DIPK1A: variants seen among roughly 807,000 people sequenced by gnomAD.
DIPK1A encodes the protein family with sequence similarity 69 member A.
In DIPK1A, 27 loss-of-function variants were observed where a neutral mutation model predicts 40.8. The observed-to-expected ratio is 0.66, with a 90% CI of 0.49 to 0.91. The LOEUF is 0.91. Ranked by LOEUF, DIPK1A falls within the 40% of genes least tolerant of loss-of-function variation. The probability of loss-of-function intolerance (pLI) is 0.00; values close to 1 mark genes in which losing one functional copy is unlikely to be tolerated. For missense variants in DIPK1A, 412 were observed against 505.7 expected (o/e 0.81, Z 1.78); for synonymous variants, 166 against 171.3 (o/e 0.97, Z 0.24).
intron 1 of DIPK1A, among the ~76,000 whole-genome samples, chr1:92,918,764 A>G (rs1467434358): frequency 6.6e-6 from 1 of 152,150 alleles, no homozygotes; most frequent in African/African-American, 2.4e-5. Flanking sequence ...ACGGTTTTGC[A>G]ACAGATGGGG....
At chr1:92,838,716 G>T (rs538091125), downstream of DIPK1A, among the ~76,000 whole-genome samples, 102 of 152,278 alleles carry the variant, frequency 6.7e-4, 1 homozygote, top group Admixed American at 2.9e-3. Context: ...CTTGTCTGAC[G>T]TCTTGGAAGG....
rs781190147 is a variant in DIPK1A at position 92,843,077 on chromosome 1, C to T, written c.*306G>A. On this transcript the variant is annotated 3_prime_UTR_variant, in exon 5 of 5. Coordinates refer to ENST00000370310, the MANE Select transcript of DIPK1A (RefSeq NM_001006605.5). Reference sequence around the variant, plus strand: ...TTGGCTAAGGTAAATCTACAAATCACTCACTGTTGATGTTTATGGAATGAA... The same window carrying T: ...TTGGCTAAGGTAAATCTACAAATCATTCACTGTTGATGTTTATGGAATGAA... The T allele has an allele frequency of 2.3e-5, 24 of 1,034,030 alleles. No homozygotes were observed. Among genetic ancestry groups the T allele is most frequent in the Non-Finnish European group, 2.8e-5 (24 of 860,674 alleles). The allele number at this position is 1,034,030 out of a possible 1,614,324, so 64.1% of individuals were successfully genotyped here. A position where few individuals can be genotyped will look rare whatever the true frequency, so the allele number is the denominator to read the frequency against.
intron 2 of DIPK1A, among the ~76,000 whole-genome samples, chr1:92,858,578 T>C (rs1688064407): frequency 6.6e-6 from 1 of 152,180 alleles, no homozygotes; most frequent in South Asian, 2.1e-4. Flanking sequence ...TTTAATACTT[T>C]TTTTTTTTAA....
chr1:92,878,964 G>A (rs776235598), intron 1 of DIPK1A, among the ~76,000 whole-genome samples: 8 of 151,976 alleles, frequency 5.3e-5, no homozygotes, highest in Non-Finnish European at 7.4e-5. Context: ...CCGAGATTGT[G>A]CCACTGCATT....
intron 1 of DIPK1A, among the ~76,000 whole-genome samples, chr1:92,895,982 C>A (rs1033299385): frequency 6.6e-6 from 1 of 151,830 alleles, no homozygotes; most frequent in African/African-American, 2.4e-5. Context: ...GAATTACAAA[C>A]CACTGCTCAA....
intron 1 of DIPK1A, among the ~76,000 whole-genome samples, chr1:92,892,255 C>T (rs565692280): frequency 7.9e-5 from 12 of 152,186 alleles, no homozygotes; most frequent in South Asian, 4.1e-4. Flanking sequence ...GGAGGCACCC[C>T]GCAGTAGGGG....
chr1:92,894,268 T>G (rs4448523), intron 1 of DIPK1A, among the ~76,000 whole-genome samples: 108,362 of 151,854 alleles, frequency 0.71, 39,517 homozygotes, highest in East Asian at 0.95. Context: ...GCACTCCTCA[T>G]CAAATGGAAA....
chr1:92,843,919 A>G lies in DIPK1A; in HGVS notation c.751T>C (p.Ser251Pro). ...LPWVIELFIP[S>P]GFRRSMDQLF... is the part of the protein sequence containing the mutation. ...TGATCCATGCTTCTTCTGAACCCAG[A>G]TGGAATAAAAAGTTCAATGACCCAA... The change falls in exon 5 of 5, where the codon TCT (serine) becomes CCT (proline). Residue 251 changes from serine (S) to proline (P), a missense_variant. By Grantham distance (74) the Ser-to-Pro change is moderately conservative. Transcript: ENST00000370310. 1 of 1,551,766 alleles carries G rather than the reference A, an allele frequency of 6.4e-7. No individual in the cohort carries two copies. The highest frequency in any genetic ancestry group is 1.4e-5 in the African/African-American group (1 of 73,160).
intron 4 of DIPK1A, chr1:92,836,127 C>G: frequency 2.1e-6 from 3 of 1,455,526 alleles, no homozygotes; most frequent in East Asian, 4.5e-5. Flanking sequence ...ATGACATAAG[C>G]TATTTTAATT....
intron 1 of DIPK1A, among the ~76,000 whole-genome samples, chr1:92,910,127 A>T (rs911305938): frequency 1.3e-5 from 2 of 152,216 alleles, no homozygotes; most frequent in Non-Finnish European, 2.9e-5. Context: ...TCTTTCTTCA[A>T]CACGTGGGTG....
At chr1:92,837,369 G>A (rs760806812), downstream of DIPK1A, 42 of 1,121,804 alleles carry the variant, frequency 3.7e-5, 1 homozygote, top group South Asian at 2.6e-4. Context: ...GTTTCAAGAC[G>A]GGACTGATGG....
chr1:92,890,939 G>A (rs1435739818), intron 1 of DIPK1A, among the ~76,000 whole-genome samples: 1 of 152,226 alleles, frequency 6.6e-6, no homozygotes, highest in East Asian at 1.9e-4. Context: ...ATTGGGTCCT[G>A]GGCCTTTTTA....
chr1:92,931,333 G>A, intron 1 of DIPK1A: 1 of 227,410 alleles, frequency 4.4e-6, no homozygotes, highest in South Asian at 7.6e-5. Context: ...TGGAAGGCCT[G>A]GTGCCCACAC....
Position 92,959,902 on chromosome 1 carries a change from A to ATTTTTTTTTTTTTTT in DIPK1A, c.54+1473_54+1474insAAAAAAAAAAAAAAA, listed in dbSNP as rs1557502636. 8.9e-3 allele frequency among the ~76,000 whole-genome samples: 384 copies of ATTTTTTTTTTTTTTT among 43,072 alleles called. 27 individuals carry two copies. The highest frequency in any genetic ancestry group is 0.013 in the Middle Eastern group (1 of 78). The allele number at this position is 43,072 out of a possible 152,430, so 28.3% of individuals were successfully genotyped here. On this transcript the variant is annotated intron_variant, in intron 1 of 4. Coordinates refer to ENST00000370310, the MANE Select transcript of DIPK1A (RefSeq NM_001006605.5). Reference sequence around the variant, plus strand: ...AGCTGGGACCACAGGCACCCAACCAACTTTTTTTTTTTTTTTTTTTTTTTT... The same window carrying ATTTTTTTTTTTTTTT: ...AGCTGGGACCACAGGCACCCAACCAATTTTTTTTTTTTTTTCTTTTTTTTTTTTTTTTTTTTTTTT...
chr1:92,845,003 G>A (rs1379072602), intron 4 of DIPK1A, among the ~76,000 whole-genome samples: 1 of 137,376 alleles, frequency 7.3e-6, no homozygotes, highest in African/African-American at 2.7e-5. Flanking sequence ...GGAGTGCAGT[G>A]GCGCGATCTC....
intron 2 of DIPK1A, among the ~76,000 whole-genome samples, chr1:92,867,733 A>G (rs1482369757): frequency 6.6e-6 from 1 of 152,060 alleles, no homozygotes; most frequent in Non-Finnish European, 1.5e-5. Context: ...CTCAAACTCC[A>G]GACCTCAAGT....
chr1:92,943,114 A>G (rs927256585), intron 1 of DIPK1A, among the ~76,000 whole-genome samples: 1 of 152,260 alleles, frequency 6.6e-6, no homozygotes, highest in Non-Finnish European at 1.5e-5. Context: ...TGCTACTTAC[A>G]GCTTGCAAAA....
chr1:92,837,888 T>C, downstream of DIPK1A: 1 of 509,710 alleles, frequency 2.0e-6, no homozygotes, highest in South Asian at 2.1e-5. Flanking sequence ...TGTAATCTGC[T>C]TTGTTGGATA....
chr1:92,882,556 G>A, intron 1 of DIPK1A, among the ~76,000 whole-genome samples: 1 of 152,124 alleles, frequency 6.6e-6, no homozygotes, highest in East Asian at 1.9e-4. Flanking sequence ...TTGATTGCTT[G>A]AACTTTACAC....
Sources: gnomAD v4.1 joint callset for allele counts (sites outside exome capture counted in the v4.1 genomes callset) on GRCh38, gnomAD v4.1.1 for gene constraint, MANE v1.5 for transcripts, NCBI Gene and HGNC (gene_info 2026-07-23, HGNC 2026-07-21) for gene names.